The following NRXN3 variants were observed in gnomAD, a reference collection of about 807,000 sequenced individuals.
NRXN3 encodes the protein neurexin III.
NRXN3 carries 32 observed loss-of-function variants against 137.6 expected under a neutral mutation model. The ratio of observed to expected loss-of-function variants is 0.23; its 90% CI spans 0.18 to 0.31. The LOEUF is 0.31. Ranked by LOEUF, NRXN3 falls within the 10% of genes least tolerant of loss-of-function variation. The pLI is 1.00. For missense variants in NRXN3, 1,574 were observed against 2,062.5 expected (o/e 0.76, Z 4.59); for synonymous variants, 798 against 784.5 (o/e 1.02, Z -0.29).
chr14:78,633,000 C>T (rs2097534752), intron 4 of NRXN3, among the ~76,000 whole-genome samples: 1 of 151,840 alleles, frequency 6.6e-6, no homozygotes, highest in African/African-American at 2.4e-5. Flanking sequence ...CTTTGGGAGG[C>T]CGAGACGGGC....
intron 4 of NRXN3, among the ~76,000 whole-genome samples, chr14:78,380,064 C>T (rs1319945787): frequency 1.3e-5 from 2 of 151,730 alleles, no homozygotes; most frequent in Admixed American, 6.6e-5. Context: ...AACTGCAATG[C>T]TAAAAGAAAT....
At chr14:78,451,705 A>T (rs947720073) in intron 4 of NRXN3, among the ~76,000 whole-genome samples, 1 of 152,244 alleles carries the variant, frequency 6.6e-6, no homozygotes, top group Admixed American at 6.5e-5. Flanking sequence ...TTTGTATTTT[A>T]AGAGTCCTGC....
chr14:79,712,121 A>AAAAC (rs2098806636), intron 19 of NRXN3, among the ~76,000 whole-genome samples: 2 of 152,198 alleles, frequency 1.3e-5, no homozygotes, highest in Non-Finnish European at 2.9e-5. Flanking sequence ...TAACAAAAGA[A>AAAAC]AAACAGTAGT....
chr14:79,508,816 G>A (rs1160449786), intron 16 of NRXN3, among the ~76,000 whole-genome samples: 1 of 152,174 alleles, frequency 6.6e-6, no homozygotes, highest in Non-Finnish European at 1.5e-5. Flanking sequence ...GACATCCAGT[G>A]CTGGCTTGAT....
chr14:78,582,802 C>T (rs2097016131), intron 4 of NRXN3, among the ~76,000 whole-genome samples: 1 of 152,166 alleles, frequency 6.6e-6, no homozygotes, highest in African/African-American at 2.4e-5. Context: ...CCACACGATA[C>T]AATGCATGAT....
At chr14:78,581,181 C>A (rs2096991361) in intron 4 of NRXN3, among the ~76,000 whole-genome samples, 1 of 152,236 alleles carries the variant, frequency 6.6e-6, no homozygotes, top group South Asian at 2.1e-4. Flanking sequence ...TGATCTAATA[C>A]TAACACTAAC....
chr14:78,878,831 G>T (rs2099120337), intron 10 of NRXN3, among the ~76,000 whole-genome samples: 1 of 151,604 alleles, frequency 6.6e-6, no homozygotes, highest in Non-Finnish European at 1.5e-5. Context: ...GTACCCTTTG[G>T]TCAAACATCT....
intron 15 of NRXN3, among the ~76,000 whole-genome samples, chr14:79,023,165 G>A (rs1360965512): frequency 2.0e-5 from 3 of 149,948 alleles, no homozygotes; most frequent in Non-Finnish European, 4.4e-5. Context: ...TCTGGGTCTA[G>A]GGACTGAAAC....
chr14:78,870,309 T>C (rs1479435171), intron 10 of NRXN3, among the ~76,000 whole-genome samples: 3 of 152,208 alleles, frequency 2.0e-5, no homozygotes, highest in Non-Finnish European at 4.4e-5. Flanking sequence ...GCTCAACAAA[T>C]GTTGGCTGAT....
intron 4 of NRXN3, among the ~76,000 whole-genome samples, chr14:78,404,230 C>T (rs899863412): frequency 4.8e-5 from 7 of 145,680 alleles, no homozygotes; most frequent in African/African-American, 7.7e-5. Context: ...TTTAAGTTGT[C>T]GCTGCATGGG....
intron 10 of NRXN3, among the ~76,000 whole-genome samples, chr14:78,947,074 C>A (rs1238655739): frequency 1.3e-5 from 2 of 152,058 alleles, no homozygotes; most frequent in Non-Finnish European, 2.9e-5. Flanking sequence ...TAACAAGAAC[C>A]AGAATAGAGT....
rs141795821 is a variant in NRXN3 at position 78,306,534 on chromosome 14, A to G, written c.757+8674A>G. ...TGATGGAAAGATACTTAATGAGAGA[A>G]CAAGCAAAGTGCATTTCCCCTTGTG... On this transcript the variant is annotated intron_variant, in intron 4 of 20. Transcript: ENST00000335750. Among the ~76,000 whole-genome samples the G allele has an allele frequency of 3.3e-3, 502 of 152,278 alleles. 1 individual carries two copies. The highest frequency in any genetic ancestry group is 0.011 in the African/African-American group (474 of 41,556).
chr14:79,434,527 C>A (rs2095813004), intron 15 of NRXN3, among the ~76,000 whole-genome samples: 1 of 152,174 alleles, frequency 6.6e-6, no homozygotes, highest in South Asian at 2.1e-4. Context: ...CAAAAATGAA[C>A]AATCCAGGTA....
intron 6 of NRXN3, among the ~76,000 whole-genome samples, chr14:78,657,046 C>CAAAAA (rs1174872709): frequency 5.2e-3 from 160 of 30,964 alleles, no homozygotes; most frequent in African/African-American, 5.9e-3. Flanking sequence ...GACTCCGTCT[C>CAAAAA]AAAAAAAAAA....
intron 19 of NRXN3, among the ~76,000 whole-genome samples, chr14:79,726,103 G>T (rs2098887028): frequency 6.6e-6 from 1 of 152,068 alleles, no homozygotes; most frequent in African/African-American, 2.4e-5. Context: ...CTCTTTTACA[G>T]CATTCCTATC....
intron 15 of NRXN3, among the ~76,000 whole-genome samples, chr14:79,204,473 A>C (rs1456647947): frequency 1.3e-5 from 2 of 152,084 alleles, no homozygotes; most frequent in African/African-American, 4.8e-5. Context: ...GCATCCAGTT[A>C]AGAGTTGGGT....
At chr14:78,654,398 C>A (rs553351654) in intron 6 of NRXN3, among the ~76,000 whole-genome samples, 4 of 152,264 alleles carry the variant, frequency 2.6e-5, no homozygotes, top group South Asian at 4.1e-4. Flanking sequence ...GTGTAATTTT[C>A]TTCAAATTAG....
At chr14:78,652,828 C>A (rs2097757564) in intron 6 of NRXN3, among the ~76,000 whole-genome samples, 1 of 152,302 alleles carries the variant, frequency 6.6e-6, no homozygotes, top group African/African-American at 2.4e-5. Flanking sequence ...TTTGGTGGCT[C>A]TTTTTAAGCC....
At chr14:78,428,616 T>C (rs936996426) in intron 4 of NRXN3, among the ~76,000 whole-genome samples, 1 of 152,076 alleles carries the variant, frequency 6.6e-6, no homozygotes, top group African/African-American at 2.4e-5. Flanking sequence ...CACGTGATTA[T>C]GGAGGCTGAA....
Sources: gnomAD v4.1 joint callset for allele counts (sites outside exome capture counted in the v4.1 genomes callset) on GRCh38, gnomAD v4.1.1 for gene constraint, MANE v1.5 for transcripts, NCBI Gene and HGNC (gene_info 2026-07-23, HGNC 2026-07-21) for gene names.